The following ADAMTSL3 variants were observed in gnomAD, a reference collection of about 807,000 sequenced individuals.
ADAMTSL3 encodes the protein ADAMTS-like protein 3.
ADAMTSL3 carries 128 observed loss-of-function variants against 201.7 expected under a neutral mutation model. That is an observed-to-expected ratio of 0.63 (90% confidence interval 0.55 to 0.73). ADAMTSL3 has a LOEUF of 0.73. ADAMTSL3 is among the 30% of genes least tolerant of loss of function. The pLI is 0.00. For missense variants in ADAMTSL3, 1,990 were observed against 2,119.6 expected (o/e 0.94, Z 1.20); for synonymous variants, 738 against 748.4 (o/e 0.99, Z 0.23).
At chr15:83,888,253 T>C (rs2065436003) in intron 10 of ADAMTSL3, among the ~76,000 whole-genome samples, 1 of 152,248 alleles carries the variant, frequency 6.6e-6, no homozygotes, top group Non-Finnish European at 1.5e-5. Context: ...GTTCAAGATA[T>C]AGAAAGGCAA....
intron 4 of ADAMTSL3, among the ~76,000 whole-genome samples, chr15:83,776,673 C>T (rs1193016701): frequency 3.3e-5 from 5 of 152,052 alleles, no homozygotes; most frequent in South Asian, 2.1e-4. Flanking sequence ...GCTGAGATTG[C>T]GCCATTGCAC....
Position 83,704,607 on chromosome 15 carries a change from T to A in ADAMTSL3, c.189+99T>A, listed in dbSNP as rs1002438519. 24 of 1,505,784 alleles carry A rather than the reference T, an allele frequency of 1.6e-5. No individual in the cohort carries two copies. The African/African-American group carries it at 3.1e-4, about 19-fold the overall frequency. 93.3% of individuals were successfully genotyped at this position (1,505,784 alleles called of 1,614,324 possible). ...CTTCAAAGTAATTATATTTTCCTCT[T>A]TGCAATACAAGTACAACAGACCCTT... is the stretch of plus-strand genomic sequence containing the variant. On this transcript the variant is annotated intron_variant, in intron 3 of 29. Transcript: ENST00000286744.
chr15:83,896,766 C>G (rs928808250), intron 13 of ADAMTSL3, among the ~76,000 whole-genome samples: 3 of 152,010 alleles, frequency 2.0e-5, no homozygotes, highest in African/African-American at 7.3e-5. Flanking sequence ...CATTCTCACA[C>G]TGCTGTAAAG....
intron 17 of ADAMTSL3, among the ~76,000 whole-genome samples, chr15:83,927,389 C>T (rs779799419): frequency 2.6e-5 from 4 of 152,168 alleles, no homozygotes; most frequent in Non-Finnish European, 4.4e-5. Flanking sequence ...GCTGGGATTA[C>T]AGACGTGAGC....
chr15:83,776,206 T>C (rs779189618), intron 4 of ADAMTSL3, among the ~76,000 whole-genome samples: 3 of 152,262 alleles, frequency 2.0e-5, no homozygotes, highest in Non-Finnish European at 4.4e-5. Context: ...CCCTTCTCCT[T>C]GATGGTGCAG....
intron 15 of ADAMTSL3, among the ~76,000 whole-genome samples, chr15:83,904,126 G>A (rs962388253): frequency 2.6e-5 from 4 of 151,554 alleles, no homozygotes; most frequent in East Asian, 1.9e-4. Flanking sequence ...TTCTTCCCCC[G>A]TGTTGAAGAC....
chr15:83,745,082 G>A (rs1235430569), intron 3 of ADAMTSL3, among the ~76,000 whole-genome samples: 1 of 152,222 alleles, frequency 6.6e-6, no homozygotes, highest in African/African-American at 2.4e-5. Context: ...TCAGCTGGCA[G>A]AGAGCAGAGA....
In ADAMTSL3 at chr15:83,885,192, G is replaced by T; in HGVS notation, c.1052G>T (p.Cys351Phe). 1 of 1,613,490 alleles carries T rather than the reference G, an allele frequency of 6.2e-7. No homozygotes were observed. Reference sequence around the variant, plus strand: ...TGGAGACAAACTGACTTCTTTCCCTGCACTGTGACGTGTGGAGGAGGTGAG... The same window carrying T: ...TGGAGACAAACTGACTTCTTTCCCTTCACTGTGACGTGTGGAGGAGGTGAG... ...HQWRQTDFFP[C>F]TVTCGGGYQL... The change falls in exon 10 of 30, where the codon TGC becomes TTC. Residue 351 changes from cysteine to phenylalanine, a missense_variant. Cys to Phe is a radical substitution (Grantham distance 205). Coordinates refer to ENST00000286744, the MANE Select transcript of ADAMTSL3 (RefSeq NM_207517.3).
In ADAMTSL3 at chr15:84,036,247, T is replaced by C. The variant is rs74026639; in HGVS notation, c.4755-526T>C. ...TCAGAGATAGATTCTTATTCTCATATGGTCTTCAGTAGTTTCTGACTGCAA... is the reference window on the plus strand; with the variant it reads ...TCAGAGATAGATTCTTATTCTCATACGGTCTTCAGTAGTTTCTGACTGCAA... On this transcript the variant is annotated intron_variant, in intron 28 of 29. Coordinates refer to ENST00000286744, the MANE Select transcript of ADAMTSL3 (RefSeq NM_207517.3). 3.5e-3 allele frequency among the ~76,000 whole-genome samples: 537 copies of C among 152,364 alleles called. 3 individuals carry two copies. The highest frequency in any genetic ancestry group is 0.012 in the African/African-American group (508 of 41,578).
chr15:83,763,568 G>A (rs1464876511), intron 3 of ADAMTSL3, among the ~76,000 whole-genome samples: 3 of 148,766 alleles, frequency 2.0e-5, no homozygotes, highest in Non-Finnish European at 3.0e-5. Flanking sequence ...GCAATGGCAC[G>A]ATCTCGGCTC....
At chr15:83,871,856 G>A (rs1236279782) in intron 9 of ADAMTSL3, among the ~76,000 whole-genome samples, 1 of 152,104 alleles carries the variant, frequency 6.6e-6, no homozygotes, top group Non-Finnish European at 1.5e-5. Context: ...AAATGTAAAT[G>A]GAAGCTAGGA....
At chr15:83,858,979 T>TG in intron 8 of ADAMTSL3, 139 bp downstream of exon 8, 2 of 653,342 alleles carry the variant, frequency 3.1e-6, no homozygotes, top group Admixed American at 5.8e-5. Flanking sequence ...TTACTGAACT[T>TG]GCGTCCACTT....
intron 2 of ADAMTSL3, among the ~76,000 whole-genome samples, chr15:83,676,431 C>G (rs570270890): frequency 2.6e-5 from 4 of 152,098 alleles, no homozygotes; most frequent in Admixed American, 6.5e-5. Flanking sequence ...GTAATCCTAG[C>G]ACTTTGGGAG....
chr15:83,682,863 C>T (rs1010689134), intron 2 of ADAMTSL3, among the ~76,000 whole-genome samples: 2 of 152,110 alleles, frequency 1.3e-5, no homozygotes, highest in Non-Finnish European at 2.9e-5. Context: ...GTTTATAACT[C>T]GTAAAGAAAT....
rs1411603507 is a variant in ADAMTSL3, at chr15:83,804,686, C to T, written c.354C>T (p.Cys118=). The T allele has an allele frequency of 1.3e-6, 2 of 1,582,300 alleles. No homozygotes were observed. The highest frequency in any genetic ancestry group is 1.8e-5 in the Admixed American group (1 of 54,312). The change falls in exon 5 of 30, where the codon TGC becomes TGT. Residue 118 remains cysteine (C), a synonymous_variant. Transcript: ENST00000286744. ...CEGQNIRYKT[C]SNHDCPPDAE... ...GGCAGAACATTCGGTACAAGACATGCAGCAATCATGTAAGTCATAAAATAA... is the reference window on the plus strand; with the variant it reads ...GGCAGAACATTCGGTACAAGACATGTAGCAATCATGTAAGTCATAAAATAA...
rs142374008 is a variant in ADAMTSL3, at chr15:83,659,787, T to A, written c.69+3957T>A. On this transcript the variant is annotated intron_variant, in intron 2 of 29. Coordinates refer to ENST00000286744, the MANE Select transcript of ADAMTSL3 (RefSeq NM_207517.3). The stretch of plus-strand genomic sequence containing the variant: ...GCCACAGGAGAGTCAGAGGCAGAGG[T>A]AGTAGAAGATGCTACCATGGAAGCC... Among the ~76,000 whole-genome samples, 4 of 152,148 alleles carry A rather than the reference T, an allele frequency of 2.6e-5. No individual in the cohort carries two copies. The South Asian group carries it at 8.3e-4, about 32-fold the overall frequency.
chr15:83,719,222 A>C (rs570294320), intron 3 of ADAMTSL3, among the ~76,000 whole-genome samples: 1 of 152,360 alleles, frequency 6.6e-6, no homozygotes, highest in African/African-American at 2.4e-5. Flanking sequence ...AAGGAAACAC[A>C]TTAAACTAAA....
chr15:83,685,171 G>GT (rs1596023475), intron 2 of ADAMTSL3, among the ~76,000 whole-genome samples: 1 of 151,960 alleles, frequency 6.6e-6, no homozygotes, highest in Admixed American at 6.6e-5. Flanking sequence ...GCCCTTAAGG[G>GT]TTTTTTTGTT....
intron 9 of ADAMTSL3, among the ~76,000 whole-genome samples, chr15:83,879,263 C>G (rs2065231481): frequency 6.6e-6 from 1 of 152,094 alleles, no homozygotes. Context: ...ATATCTGCCC[C>G]TATCTTTATT....
Sources: gnomAD v4.1 joint callset for allele counts (sites outside exome capture counted in the v4.1 genomes callset) on GRCh38, gnomAD v4.1.1 for gene constraint, MANE v1.5 for transcripts, NCBI Gene and HGNC (gene_info 2026-07-23, HGNC 2026-07-21) for gene names.